Variants in EHMT1 observed in about 807,000 individuals in gnomAD.
The protein encoded by EHMT1 is histone-lysine N-methyltransferase EHMT1.
Under a neutral mutation model 147.2 loss-of-function variants are expected in EHMT1, and 15 were observed. The ratio of observed to expected loss-of-function variants is 0.10; its 90% CI spans 0.07 to 0.16. EHMT1 has a LOEUF of 0.16. Ranked by LOEUF, EHMT1 falls within the 10% of genes least tolerant of loss-of-function variation. The probability of loss-of-function intolerance (pLI) is 1.00; values close to 1 mark genes in which losing one functional copy is unlikely to be tolerated. For missense variants in EHMT1, 1,587 were observed against 1,772.4 expected (o/e 0.90, Z 1.88); for synonymous variants, 795 against 709.6 (o/e 1.12, Z -1.91).
chr9:137,671,118 G>A (rs2134278720), intron 1 of EHMT1, among the ~76,000 whole-genome samples: 1 of 152,166 alleles, frequency 6.6e-6, no homozygotes, highest in East Asian at 1.9e-4. Flanking sequence ...GATTAGTGAG[G>A]GTGTCTTGCC....
intron 14 of EHMT1, among the ~76,000 whole-genome samples, chr9:137,780,590 T>C (rs1588670018): frequency 1.6e-5 from 2 of 125,412 alleles, no homozygotes; most frequent in Admixed American, 8.1e-5. Context: ...GACGCTGGGA[T>C]GTGTGGTGAT....
intron 16 of EHMT1, among the ~76,000 whole-genome samples, chr9:137,792,532 C>G (rs1012206746): frequency 1.3e-5 from 2 of 152,026 alleles, no homozygotes. Flanking sequence ...TGGTGAAACC[C>G]GGTCTCTACT....
At chr9:137,646,283 T>C (rs962724937) in intron 1 of EHMT1, 1 of 937,314 alleles carries the variant, frequency 1.1e-6, no homozygotes, top group East Asian at 1.2e-4. Flanking sequence ...TAAATGTAGA[T>C]GCTAGAAATT....
intron 9 of EHMT1, 136 bp downstream of exon 9, chr9:137,758,147 G>T (rs906438829): frequency 1.7e-6 from 2 of 1,204,644 alleles, no homozygotes; most frequent in East Asian, 2.4e-5. Flanking sequence ...TCCAGCTGAG[G>T]TGTAGACAGG....
At chr9:137,669,338 A>ACTCCACCCAATACGC (rs1564562383) in intron 1 of EHMT1, among the ~76,000 whole-genome samples, 1 of 11,898 alleles carries the variant, frequency 8.4e-5, no homozygotes, top group Admixed American at 1.2e-3. Context: ...CAGCACGTGG[A>ACTCCACCCAATACGC]CCCCACACCA....
chr9:137,706,949 C>A (rs986831538), intron 1 of EHMT1, among the ~76,000 whole-genome samples: 1 of 150,138 alleles, frequency 6.7e-6, no homozygotes, highest in Non-Finnish European at 1.5e-5. Flanking sequence ...CTCAGCCTCC[C>A]GAGTAGCTGG....
chr9:137,755,802 TACCTA>T (rs1235068407), intron 8 of EHMT1, among the ~76,000 whole-genome samples: 1 of 152,250 alleles, frequency 6.6e-6, no homozygotes, highest in African/African-American at 2.4e-5. Flanking sequence ...TCAATGCTGT[TACCTA>T]ATGAGTAATG....
intron 1 of EHMT1, among the ~76,000 whole-genome samples, chr9:137,694,264 C>T (rs1399076387): frequency 1.8e-5 from 2 of 111,636 alleles, no homozygotes; most frequent in African/African-American, 3.6e-5. Context: ...CACACAGTGG[C>T]GCAGGACGCT....
chr9:137,750,573 G>A (rs1948884894), intron 6 of EHMT1, among the ~76,000 whole-genome samples: 1 of 152,356 alleles, frequency 6.6e-6, no homozygotes, highest in East Asian at 1.9e-4. Context: ...TTATTTGCCT[G>A]AGTGACAAGA....
At chr9:137,781,393 C>T (rs944354750) in intron 14 of EHMT1, among the ~76,000 whole-genome samples, 5 of 145,134 alleles carry the variant, frequency 3.4e-5, no homozygotes, top group Non-Finnish European at 7.5e-5. Context: ...GTGGTGATGA[C>T]GCTGGGATGT....
At position 137,717,167 on chromosome 9, in the gene EHMT1, G is replaced by T; in HGVS notation, c.627G>T (p.Lys209Asn). The T allele has an allele frequency of 6.2e-7, 1 of 1,612,230 alleles. No individual in the cohort carries two copies. Among genetic ancestry groups the T allele is most frequent in the Non-Finnish European group, 8.5e-7 (1 of 1,179,992 alleles). Residue 209 changes from lysine (K) to asparagine (N), a missense_variant, in exon 3 of 27, where the codon AAG becomes AAT. Coordinates refer to ENST00000460843, the MANE Select transcript of EHMT1 (RefSeq NM_024757.5). The part of the protein sequence containing the change: ...KVHRARKTMP[K>N]SVVGLHAASK... ...ACAGGGCACGCAAGACCATGCCGAA[G>T]TCCGTCGTGGGCCTGGTAATTTTGT... is the stretch of plus-strand genomic sequence containing the variant.
chr9:137,798,867 G>A lies in EHMT1; in HGVS notation c.2560G>A (p.Val854Met), dbSNP rs1484966684. 6.2e-7 allele frequency: 1 copy of A among 1,614,208 alleles called. No individual in the cohort carries two copies. The highest frequency in any genetic ancestry group is 1.7e-5 in the Admixed American group (1 of 60,022). The part of the protein sequence containing the change: ...HLAAKKGHYE[V>M]VQYLLSNGQM... The stretch of plus-strand genomic sequence containing the variant: ...GGCTGCCAAGAAAGGCCACTACGAA[G>A]TGGTCCAGTACCTGCTTTCAAATGG... The change falls in exon 17 of 27, where the codon GTG becomes ATG. Residue 854 changes from valine to methionine, a missense_variant. Around this residue, in one of 7 missense-constraint regions of EHMT1, gnomAD observed 201 missense variants for 350.1 expected, o/e 0.57. Coordinates refer to ENST00000460843, the MANE Select transcript of EHMT1 (RefSeq NM_024757.5).
At chr9:137,717,267 G>T in intron 3 of EHMT1, 85 bp downstream of exon 3, 1 of 1,524,084 alleles carries the variant, frequency 6.6e-7, no homozygotes. Flanking sequence ...GCATTGAGGA[G>T]AAGCCAGTAA....
At chr9:137,634,452 A>G (rs1025119161) in intron 1 of EHMT1, among the ~76,000 whole-genome samples, 2 of 152,164 alleles carry the variant, frequency 1.3e-5, no homozygotes, top group Admixed American at 1.3e-4. Flanking sequence ...TTGAACATAA[A>G]TGTGATGGTT....
At chr9:137,696,293 C>T (rs946973676) in intron 1 of EHMT1, among the ~76,000 whole-genome samples, 11 of 152,228 alleles carry the variant, frequency 7.2e-5, no homozygotes, top group African/African-American at 2.4e-4. Context: ...CTTCATCTCA[C>T]GAGTTTCCTG....
At position 137,787,489 on chromosome 9, in the gene EHMT1, G is replaced by A. The variant is rs918156025; in HGVS notation, c.2383-3359G>A. The stretch of plus-strand genomic sequence containing the variant: ...GGCATGACTGACCAGGGCCAGGGCC[G>A]TGCCCAGCTCGGCCACGGCCACACG... On this transcript the variant is annotated intron_variant, in intron 15 of 26. Coordinates refer to ENST00000460843, the MANE Select transcript of EHMT1 (RefSeq NM_024757.5). This position sits in a 1 kb window ranked among gnomAD's most constrained non-coding sequence, Gnocchi z 4.2. Among the ~76,000 whole-genome samples the A allele has an allele frequency of 2.6e-5, 4 of 152,302 alleles. No homozygotes were observed. In the East Asian group the frequency reaches 5.8e-4, roughly 22 times the overall value.
In EHMT1 at chr9:137,732,453, G is replaced by C. The variant is rs1197033004; in HGVS notation, c.823+3924G>C. ...AAGAGTTTTATTGAGCAGCAGAACAGCTCTCAGCGGAGAGGAGACCCAAAG... is the reference window on the plus strand; with the variant it reads ...AAGAGTTTTATTGAGCAGCAGAACACCTCTCAGCGGAGAGGAGACCCAAAG... On this transcript the variant is annotated intron_variant, in intron 4 of 26. Transcript: ENST00000460843. The surrounding 1 kb of genome is among the most constrained non-coding windows in gnomAD (Gnocchi z 4.6). Among the ~76,000 whole-genome samples the C allele has an allele frequency of 1.3e-5, 2 of 152,256 alleles. No homozygotes were observed. Among genetic ancestry groups the C allele is most frequent in the African/African-American group, 4.8e-5 (2 of 41,460 alleles).
intron 1 of EHMT1, among the ~76,000 whole-genome samples, chr9:137,678,380 CA>C (rs1941595351): frequency 6.6e-6 from 1 of 152,126 alleles, no homozygotes; most frequent in South Asian, 2.1e-4. Context: ...TTGGTAACCA[CA>C]AGATTTTCGT....
chr9:137,727,048 T>A (rs1332896025), intron 3 of EHMT1, among the ~76,000 whole-genome samples: 1 of 152,256 alleles, frequency 6.6e-6, no homozygotes, highest in Non-Finnish European at 1.5e-5. Context: ...TCATGTATTC[T>A]GGATAATAAT....
Sources: allele counts gnomAD v4.1 joint callset (sites outside exome capture counted in the v4.1 genomes callset), GRCh38; gene constraint gnomAD v4.1.1; regional missense constraint gnomAD v4.1.1; non-coding constraint Gnocchi (gnomAD v3.1); transcripts MANE v1.5; gene names NCBI Gene and HGNC (gene_info 2026-07-23, HGNC 2026-07-21).